The following SEMA5A variants were observed in gnomAD, a reference collection of about 807,000 sequenced individuals.
SEMA5A encodes semaphorin 5A.
SEMA5A carries 55 observed loss-of-function variants against 135.5 expected under a neutral mutation model. That is an observed-to-expected ratio of 0.41 (90% CI 0.33 to 0.51). The LOEUF (loss-of-function observed/expected upper bound fraction) is 0.51, where lower values mean the gene tolerates loss of function less well. Among genes scored for constraint, SEMA5A ranks in the 20% least tolerant of loss-of-function variants. The pLI is 0.37. For synonymous variants in SEMA5A, 580 were observed against 546.5 expected, an observed-to-expected ratio of 1.06 and a Z score of -0.85; for missense variants, 1,290 against 1,419.9, an observed-to-expected ratio of 0.91 and a Z score of 1.47.
chr5:9,318,313 C>A, intron 5 of SEMA5A, 59 bp downstream of exon 5: 1 of 1,516,442 alleles, frequency 6.6e-7, no homozygotes, highest in Non-Finnish European at 9.1e-7. Flanking sequence ...TTCATCCCCT[C>A]AAACAGTGAG....
intron 16 of SEMA5A, among the ~76,000 whole-genome samples, chr5:9,085,170 G>A (rs1738610307): frequency 6.6e-6 from 1 of 152,168 alleles, no homozygotes. Flanking sequence ...GAACATAAAA[G>A]TTTGGAAAAT....
At chr5:9,318,462 A>G (rs1436586789) in intron 4 of SEMA5A, 45 bp from the exon 5 acceptor site, 5 of 1,487,176 alleles carry the variant, frequency 3.4e-6, no homozygotes, top group Non-Finnish European at 4.6e-6. Context: ...AATAGATCAC[A>G]GAAAGTTAAG....
Position 9,119,153 on chromosome 5 carries a change from G to C in SEMA5A, c.1782-12C>G, listed in dbSNP as rs1185306904. 6 of 1,612,330 alleles carry C rather than the reference G, an allele frequency of 3.7e-6. No individual in the cohort carries two copies. Among genetic ancestry groups the C allele is most frequent in the Non-Finnish European group, 5.1e-6 (6 of 1,179,456 alleles). On this transcript the variant is annotated splice_polypyrimidine_tract_variant and intron_variant, in intron 14 of 22. Transcript: ENST00000382496. ...TCCAGCCTCCGTTCCTGAGGGAAGG[G>C]AAGCAATGCAATCATTAGGTCCCGC...
chr5:9,348,808 C>A (rs968425723), intron 3 of SEMA5A, among the ~76,000 whole-genome samples: 28 of 152,136 alleles, frequency 1.8e-4, no homozygotes, highest in Non-Finnish European at 4.0e-4. Flanking sequence ...GAAAGCCATT[C>A]GCCACCAGAT....
chr5:9,282,560 C>T lies in SEMA5A; in HGVS notation c.270+35812G>A, dbSNP rs527930710. Reference sequence around the variant, plus strand: ...ATTAAGGAAAATGAGCATTATATGACGTATATTTATACCTAAATCCTAAAT... The same window carrying T: ...ATTAAGGAAAATGAGCATTATATGATGTATATTTATACCTAAATCCTAAAT... On this transcript the variant is annotated intron_variant, in intron 5 of 22. Transcript: ENST00000382496. Among the ~76,000 whole-genome samples, 14 of 152,208 alleles carry T rather than the reference C, an allele frequency of 9.2e-5. No homozygotes were observed. The South Asian group carries it at 2.5e-3, about 27-fold the overall frequency.
chr5:9,104,750 G>A (rs925104772), intron 16 of SEMA5A, among the ~76,000 whole-genome samples: 3 of 152,202 alleles, frequency 2.0e-5, no homozygotes, highest in Non-Finnish European at 2.9e-5. Context: ...CACCCGCTCT[G>A]TGAAGCCACA....
intron 2 of SEMA5A, among the ~76,000 whole-genome samples, chr5:9,427,944 T>G (rs1431593292): frequency 6.6e-6 from 1 of 152,140 alleles, no homozygotes; most frequent in Non-Finnish European, 1.5e-5. Flanking sequence ...ATTATAAGGC[T>G]TTCTCTATCT....
chr5:9,132,996 A>C (rs996949653), intron 13 of SEMA5A, among the ~76,000 whole-genome samples: 3 of 152,108 alleles, frequency 2.0e-5, no homozygotes, highest in Non-Finnish European at 4.4e-5. Context: ...TTTGTATTTT[A>C]CCATCTCTAA....
At chr5:9,486,547 C>G (rs1734733497) in intron 1 of SEMA5A, among the ~76,000 whole-genome samples, 1 of 151,864 alleles carries the variant, frequency 6.6e-6, no homozygotes, top group Non-Finnish European at 1.5e-5. Context: ...GGCATTGAGA[C>G]AAGGAGACAG....
At position 9,211,973 on chromosome 5, in the gene SEMA5A, C is replaced by G. The variant is rs1186951623; in HGVS notation, c.647-9733G>C. On this transcript the variant is annotated intron_variant, in intron 8 of 22. Transcript: ENST00000382496. The stretch of plus-strand genomic sequence containing the variant: ...GAGACTGCAGGACACTGTGGAGTTC[C>G]CTGGGAGAACTCAGTGGGATAAGTA... Among the ~76,000 whole-genome samples, 3 of 152,100 alleles carry G rather than the reference C, an allele frequency of 2.0e-5. No homozygotes were observed. In the East Asian group the frequency reaches 5.8e-4, roughly 29 times the overall value.
chr5:9,067,569 T>G (rs979287332), intron 16 of SEMA5A, among the ~76,000 whole-genome samples: 1 of 123,690 alleles, frequency 8.1e-6, no homozygotes, highest in Non-Finnish European at 1.7e-5. Context: ...AAATCACTCT[T>G]TAAGCTTTAT....
At chr5:9,396,057 C>T (rs916693301) in intron 2 of SEMA5A, among the ~76,000 whole-genome samples, 2 of 152,066 alleles carry the variant, frequency 1.3e-5, no homozygotes, top group Non-Finnish European at 2.9e-5. Context: ...TAACTAATAC[C>T]GTGTATCACA....
At chr5:9,265,279 T>C (rs1749625536) in intron 5 of SEMA5A, among the ~76,000 whole-genome samples, 1 of 152,132 alleles carries the variant, frequency 6.6e-6, no homozygotes, top group Non-Finnish European at 1.5e-5. Context: ...AGGCTCCTCT[T>C]GTGGATGAGG....
At chr5:9,305,155 C>T (rs936875704) in intron 5 of SEMA5A, among the ~76,000 whole-genome samples, 1 of 152,102 alleles carries the variant, frequency 6.6e-6, no homozygotes, top group African/African-American at 2.4e-5. Flanking sequence ...ATTTCCTGGG[C>T]CTAGTGTGTT....
At position 9,118,980 on chromosome 5, in the gene SEMA5A, A is replaced by T. The variant is rs1260138132; in HGVS notation, c.1925+18T>A. On this transcript the variant is annotated intron_variant, in intron 15 of 22. Transcript: ENST00000382496. ...TAAGCGTGAGGCTGGCGGTGCTGGC[A>T]GCAGGGTGGGCACGTACCTTTCCTC... 1.2e-6 allele frequency: 2 copies of T among 1,609,052 alleles called. No individual in the cohort carries two copies. The highest frequency in any genetic ancestry group is 2.7e-5 in the African/African-American group (2 of 74,786).
At chr5:9,492,710 T>A (rs1277239852) in intron 1 of SEMA5A, among the ~76,000 whole-genome samples, 2 of 152,048 alleles carry the variant, frequency 1.3e-5, no homozygotes, top group South Asian at 4.1e-4. Context: ...TAGCAAGCAA[T>A]GAAAAGAAAT....
At chr5:9,225,610 A>G (rs1465825403) in intron 7 of SEMA5A, among the ~76,000 whole-genome samples, 1 of 151,754 alleles carries the variant, frequency 6.6e-6, no homozygotes, top group Non-Finnish European at 1.5e-5. Flanking sequence ...TATCAATATA[A>G]GTGAAGCAAA....
chr5:9,082,576 A>G (rs890840594), intron 16 of SEMA5A, among the ~76,000 whole-genome samples: 2 of 152,216 alleles, frequency 1.3e-5, no homozygotes, highest in African/African-American at 4.8e-5. Context: ...ACTCCCTTCA[A>G]TCCTTAACCT....
intron 17 of SEMA5A, 118 bp from the exon 18 acceptor site, chr5:9,063,223 TC>T: frequency 1.0e-6 from 1 of 994,044 alleles, no homozygotes; most frequent in Non-Finnish European, 1.5e-6. Context: ...CCTCTCACAT[TC>T]CGTTGAGCTC....
Sources: allele counts gnomAD v4.1 joint callset (sites outside exome capture counted in the v4.1 genomes callset), GRCh38; gene constraint gnomAD v4.1.1; transcripts MANE v1.5; gene names NCBI Gene and HGNC (gene_info 2026-07-23, HGNC 2026-07-21).